The following TPD52 variants were observed in gnomAD, a reference collection of about 807,000 sequenced individuals.
TPD52 encodes tumor protein D52.
TPD52 carries 17 observed loss-of-function variants against 31.3 expected under a neutral mutation model. That is an observed-to-expected ratio of 0.54 (90% CI 0.37 to 0.82). The LOEUF (loss-of-function observed/expected upper bound fraction) is 0.82, where lower values mean the gene tolerates loss of function less well. TPD52 is among the 40% of genes least tolerant of loss of function. The probability of loss-of-function intolerance (pLI) is 0.00; values close to 1 mark genes in which losing one functional copy is unlikely to be tolerated. For missense variants in TPD52, 212 were observed against 240.1 expected (o/e 0.88, Z 0.77); for synonymous variants, 83 against 89.6 (o/e 0.93, Z 0.42).
intron 1 of TPD52, among the ~76,000 whole-genome samples, chr8:80,066,173 G>A (rs1005699781): frequency 1.3e-5 from 2 of 152,290 alleles, no homozygotes; most frequent in East Asian, 1.9e-4. Context: ...AGCAGCCAGC[G>A]TCGCAGCAAG....
chr8:80,044,104 A>G lies in TPD52; in HGVS notation c.455+63T>C, dbSNP rs181271603. 9.3e-4 allele frequency: 1,301 copies of G among 1,391,956 alleles called. 4 individuals carry two copies. The highest frequency in any genetic ancestry group is 3.2e-3 in the Middle Eastern group (14 of 4,358). 86.2% of individuals were successfully genotyped at this position (1,391,956 alleles called of 1,614,324 possible). A position where few individuals can be genotyped will look rare whatever the true frequency, so the allele number is the denominator to read the frequency against. On this transcript the variant is annotated intron_variant, in intron 6 of 7. Transcript: ENST00000518937. ...TCCCTAATTCAGAACAGTTCAAGTTAAACATCTAAATAAAGAAAAATAAAG... is the reference window on the plus strand; with the variant it reads ...TCCCTAATTCAGAACAGTTCAAGTTGAACATCTAAATAAAGAAAAATAAAG...
chr8:80,091,447 C>CAAAAAAA (rs1816260701), intron 1 of TPD52, among the ~76,000 whole-genome samples: 4 of 141,940 alleles, frequency 2.8e-5, no homozygotes, highest in Non-Finnish European at 4.5e-5. Context: ...CCAGCCTGGG[C>CAAAAAAA]GACAGAGACT....
rs573528263 is a variant in TPD52 at position 80,095,685 on chromosome 8, G to A, written c.20-31092C>T. ...GACTAGGCCGGGTGCGGTGGCTCAT[G>A]CCTGTAATCCAAGCACTTGGGAGGC... On this transcript the variant is annotated intron_variant, in intron 1 of 7. Coordinates refer to ENST00000518937, the MANE Select transcript of TPD52 (RefSeq NM_001025253.3). 2.4e-5 allele frequency among the ~76,000 whole-genome samples: 3 copies of A among 126,918 alleles called. No individual in the cohort carries two copies. In the South Asian group the frequency reaches 8.2e-4, roughly 35 times the overall value. 83.3% of individuals were successfully genotyped at this position (126,918 alleles called of 152,430 possible).
In TPD52 at chr8:80,072,794, C is replaced by CATATATATATATAT. The variant is rs202061225; in HGVS notation, c.20-8202_20-8201insATATATATATATAT. ...ACATATATATACACATACACACACA[C>CATATATATATATAT]ACACATATATATATATATATAAACT... On this transcript the variant is annotated intron_variant, in intron 1 of 7. Transcript: ENST00000518937. Among the ~76,000 whole-genome samples, 4 of 141,976 alleles carry CATATATATATATAT rather than the reference C, an allele frequency of 2.8e-5. 1 individual carries two copies. Among genetic ancestry groups the CATATATATATATAT allele is most frequent in the African/African-American group, 1.2e-4 (4 of 32,858 alleles). The allele number at this position is 141,976 out of a possible 152,430, so 93.1% of individuals were successfully genotyped here. A position where few individuals can be genotyped will look rare whatever the true frequency, so the allele number is the denominator to read the frequency against.
intron 1 of TPD52, chr8:80,080,803 C>CA: frequency 1.0e-6 from 1 of 996,036 alleles, no homozygotes; most frequent in Non-Finnish European, 1.2e-6. Flanking sequence ...CCCAGAGGTA[C>CA]AAACAGTTCA....
intron 3 of TPD52, 182 bp downstream of exon 3, chr8:80,053,100 C>T: frequency 1.8e-6 from 1 of 543,816 alleles, no homozygotes; most frequent in Non-Finnish European, 3.1e-6. Flanking sequence ...AATAAGTGGT[C>T]TGGAAAAATT....
At chr8:80,040,649 T>C (rs1289237293) in intron 7 of TPD52, among the ~76,000 whole-genome samples, 2 of 152,216 alleles carry the variant, frequency 1.3e-5, no homozygotes, top group Non-Finnish European at 2.9e-5. Context: ...CAAAAACACA[T>C]AAGATTCCTG....
intron 1 of TPD52, among the ~76,000 whole-genome samples, chr8:80,154,221 A>G (rs554334393): frequency 6.6e-6 from 1 of 152,368 alleles, no homozygotes; most frequent in African/African-American, 2.4e-5. Context: ...TGGTCAGGAG[A>G]AGGAAGAGAG....
intron 1 of TPD52, chr8:80,080,658 T>C: frequency 1.5e-6 from 2 of 1,301,910 alleles, no homozygotes; most frequent in Non-Finnish European, 2.0e-6. Context: ...ACCTATTTAA[T>C]AAATGATTTA....
At chr8:80,049,957 C>A (rs1327577427) in intron 5 of TPD52, among the ~76,000 whole-genome samples, 1 of 151,690 alleles carries the variant, frequency 6.6e-6, no homozygotes, top group African/African-American at 2.4e-5. Context: ...GTATATTTTA[C>A]CACAACAACA....
At chr8:80,140,699 T>A (rs6473206) in intron 1 of TPD52, among the ~76,000 whole-genome samples, 56 of 148,888 alleles carry the variant, frequency 3.8e-4, no homozygotes, top group African/African-American at 1.4e-3. Context: ...ATGAATTGGT[T>A]GAAGGTGGTA....
intron 1 of TPD52, among the ~76,000 whole-genome samples, chr8:80,096,127 G>A (rs1464995565): frequency 6.6e-6 from 1 of 152,144 alleles, no homozygotes; most frequent in Non-Finnish European, 1.5e-5. Context: ...ATGGTGGTGT[G>A]CACCTGCAGT....
At chr8:80,152,279 T>A (rs547195752) in intron 1 of TPD52, among the ~76,000 whole-genome samples, 21 of 152,236 alleles carry the variant, frequency 1.4e-4, no homozygotes, top group Admixed American at 5.2e-4. Flanking sequence ...AGCAGGAGGA[T>A]GAAGAAGCCA....
chr8:80,034,907 T>G lies in TPD52; in HGVS notation c.*3209A>C, dbSNP rs1809799727. ...TAGCATTTATTTGAGTACAAAATCC[T>G]GGCAGGCAAAAGCACTTGCAGACCC... On this transcript the variant is annotated 3_prime_UTR_variant, in exon 8 of 8. Coordinates refer to ENST00000518937, the MANE Select transcript of TPD52 (RefSeq NM_001025253.3). 1 of 152,150 alleles carries G rather than the reference T, an allele frequency of 6.6e-6. No homozygotes were observed. The highest frequency in any genetic ancestry group is 2.4e-5 in the African/African-American group (1 of 41,420). 9.4% of individuals were successfully genotyped at this position (152,150 alleles called of 1,614,324 possible). A position where few individuals can be genotyped will look rare whatever the true frequency, so the allele number is the denominator to read the frequency against.
chr8:80,078,068 A>G lies in TPD52; in HGVS notation c.20-13475T>C, dbSNP rs1202747972. 3.9e-5 allele frequency among the ~76,000 whole-genome samples: 6 copies of G among 152,226 alleles called. No individual in the cohort carries two copies. The East Asian group carries it at 1.2e-3, about 29-fold the overall frequency. ...TTGTGAGGATTGCAGGTAAGGAGGT[A>G]TAAGGCATTTCTGAATATGGGTTGG... On this transcript the variant is annotated intron_variant, in intron 1 of 7. Coordinates refer to ENST00000518937, the MANE Select transcript of TPD52 (RefSeq NM_001025253.3).
chr8:80,115,891 A>G (rs992268047), intron 1 of TPD52, among the ~76,000 whole-genome samples: 12 of 152,238 alleles, frequency 7.9e-5, no homozygotes, highest in African/African-American at 2.9e-4. Context: ...AACTATAAAC[A>G]AGGAAAAAAT....
rs1812100475 is a variant in TPD52 at position 80,171,500 on chromosome 8, G to C, written c.-57C>G. On this transcript the variant is annotated 5_prime_UTR_variant, in exon 1 of 8. Transcript: ENST00000518937. Reference sequence around the variant, plus strand: ...GCACCCCCGCCTGCAGCCCGTCCCGGCTCGGATCGCCCGCCGCGCCGCGCA... The same window carrying C: ...GCACCCCCGCCTGCAGCCCGTCCCGCCTCGGATCGCCCGCCGCGCCGCGCA... 4.6e-6 allele frequency: 7 copies of C among 1,520,672 alleles called. No homozygotes were observed. The allele number at this position is 1,520,672 out of a possible 1,614,324, so 94.2% of individuals were successfully genotyped here.
intron 1 of TPD52, among the ~76,000 whole-genome samples, chr8:80,105,602 C>T (rs1332215935): frequency 1.3e-5 from 2 of 152,120 alleles, no homozygotes; most frequent in Admixed American, 1.3e-4. Flanking sequence ...GAATAAAGCC[C>T]TTCCTTCTTT....
At chr8:80,114,605 A>C (rs1208648566) in intron 1 of TPD52, among the ~76,000 whole-genome samples, 2 of 152,178 alleles carry the variant, frequency 1.3e-5, no homozygotes, top group African/African-American at 4.8e-5. Context: ...GAATCTGGAC[A>C]CTCCAAAATT....
Sources: allele counts gnomAD v4.1 joint callset (sites outside exome capture counted in the v4.1 genomes callset), GRCh38; gene constraint gnomAD v4.1.1; transcripts MANE v1.5; gene names NCBI Gene and HGNC (gene_info 2026-07-23, HGNC 2026-07-21).